The following MAPK8IP3 variants were observed in gnomAD, a reference collection of about 807,000 sequenced individuals.
The protein encoded by MAPK8IP3 is C-Jun-amino-terminal kinase-interacting protein 3.
A neutral mutation model predicts 157.8 loss-of-function variants in MAPK8IP3; 49 were observed. The observed-to-expected ratio is 0.31, with a 90% CI of 0.25 to 0.39. MAPK8IP3 has a LOEUF of 0.39. Ranked by LOEUF, MAPK8IP3 falls within the 10% of genes least tolerant of loss-of-function variation. MAPK8IP3 has a pLI of 1.00. For synonymous variants in MAPK8IP3, 897 were observed against 777.7 expected (o/e 1.15, Z -2.55); for missense variants, 1,478 against 1,889.4 (o/e 0.78, Z 4.04).
At chr16:1,712,189 G>GT in intron 1 of MAPK8IP3, among the ~76,000 whole-genome samples, 1 of 149,820 alleles carries the variant, frequency 6.7e-6, no homozygotes, top group Non-Finnish European at 1.5e-5. Flanking sequence ...AGCCTCCCGA[G>GT]TAGCTGAGAC....
Position 1,732,900 on chromosome 16 carries a change from G to A in MAPK8IP3, c.602+3322G>A, listed in dbSNP as rs537546958. Among the ~76,000 whole-genome samples the A allele has an allele frequency of 9.3e-5, 14 of 151,068 alleles. No homozygotes were observed. The East Asian group carries it at 2.0e-3, about 21-fold the overall frequency. The stretch of plus-strand genomic sequence containing the variant: ...CCTGGAGCACCATGAGAACTACACC[G>A]GGGCGTGTGGATGCCAGCTTGGCAA... On this transcript the variant is annotated intron_variant, in intron 4 of 31. Coordinates refer to ENST00000610761, the MANE Select transcript of MAPK8IP3 (RefSeq NM_001318852.2).
intron 19 of MAPK8IP3, 22 bp downstream of exon 19, chr16:1,764,481 G>C (rs767437418): frequency 8.1e-6 from 13 of 1,604,542 alleles, no homozygotes; most frequent in Non-Finnish European, 1.1e-5. Flanking sequence ...CGAGGCCACC[G>C]GGCACCCTCC....
intron 4 of MAPK8IP3, among the ~76,000 whole-genome samples, chr16:1,729,797 G>C (rs910367317): frequency 6.6e-6 from 1 of 152,142 alleles, no homozygotes; most frequent in Non-Finnish European, 1.5e-5. Context: ...TGTCGAGCCC[G>C]TGTGTCCCTT....
At position 1,730,549 on chromosome 16, in the gene MAPK8IP3, C is replaced by T. The variant is rs186129061; in HGVS notation, c.602+971C>T. ...GATCAGGAGATCAAGACCATCCTGG[C>T]TAACATGGTGAAACCCCATCTCTAC... On this transcript the variant is annotated intron_variant, in intron 4 of 31. Coordinates refer to ENST00000610761, the MANE Select transcript of MAPK8IP3 (RefSeq NM_001318852.2). 4.0e-3 allele frequency among the ~76,000 whole-genome samples: 612 copies of T among 152,036 alleles called. 5 individuals carry two copies. Among genetic ancestry groups the T allele is most frequent in the African/African-American group, 0.014 (585 of 41,448 alleles).
chr16:1,712,696 T>C (rs1478505470), intron 1 of MAPK8IP3, among the ~76,000 whole-genome samples: 4 of 152,184 alleles, frequency 2.6e-5, no homozygotes, highest in Non-Finnish European at 5.9e-5. Context: ...CTCATCTGCC[T>C]CTGGTCTTCT....
At chr16:1,762,586 G>A (rs992265260) in intron 14 of MAPK8IP3, 89 bp from the exon 15 acceptor site, 16 of 1,556,382 alleles carry the variant, frequency 1.0e-5, no homozygotes, top group South Asian at 3.6e-5. Context: ...ACTGAAGTGC[G>A]CTGGGTGCTT....
chr16:1,763,596 TG>T, intron 16 of MAPK8IP3, 60 bp from the exon 17 acceptor site: 1 of 1,437,354 alleles, frequency 7.0e-7, no homozygotes, highest in Non-Finnish European at 9.2e-7. Context: ...AGGACAAGCC[TG>T]GGGCACTGTG....
At chr16:1,728,581 C>T (rs556064646) in intron 2 of MAPK8IP3, among the ~76,000 whole-genome samples, 80 of 146,614 alleles carry the variant, frequency 5.5e-4, no homozygotes, top group Middle Eastern at 3.5e-3. Context: ...AGCAGCCCCC[C>T]AGACGGCCTT....
At chr16:1,728,120 C>T (rs1050521689) in intron 2 of MAPK8IP3, among the ~76,000 whole-genome samples, 7 of 152,226 alleles carry the variant, frequency 4.6e-5, no homozygotes, top group African/African-American at 7.2e-5. Flanking sequence ...CACGCATGCA[C>T]CATTGGCGGG....
At chr16:1,761,721 CTG>C (rs2041961980) in intron 13 of MAPK8IP3, among the ~76,000 whole-genome samples, 2 of 152,148 alleles carry the variant, frequency 1.3e-5, no homozygotes, top group South Asian at 2.1e-4. Context: ...GGGGCGGCCA[CTG>C]TTCCCACACA....
rs775266424 is a variant in MAPK8IP3, at chr16:1,763,670, T to C, written c.1912T>C (p.Ser638Pro). Residue 638 changes from serine to proline, a missense_variant, in exon 17 of 32, where the codon TCC (serine) becomes CCC (proline). Around this residue, in one of 11 missense-constraint regions of MAPK8IP3, gnomAD observed 669 missense variants for 759.8 expected, o/e 0.88. Transcript: ENST00000610761. Reference sequence around the variant, plus strand: ...TCTTCCACTCAGCGACTGCACGTCCTCCGCCCGTCGAGAGCAGAAGCGCGA... The same window carrying C: ...TCTTCCACTCAGCGACTGCACGTCCCCCGCCCGTCGAGAGCAGAAGCGCGA... ...EFFPDDDCTS[S>P]ARREQKREQY... The C allele has an allele frequency of 6.3e-7, 1 of 1,577,240 alleles. No homozygotes were observed. Among genetic ancestry groups the C allele is most frequent in the South Asian group, 1.1e-5 (1 of 87,256 alleles).
intron 1 of MAPK8IP3, among the ~76,000 whole-genome samples, chr16:1,711,027 G>A (rs867047903): frequency 1.3e-5 from 2 of 152,250 alleles, no homozygotes; most frequent in Admixed American, 1.3e-4. Context: ...CTGCCGCTCC[G>A]CTGCGGGAGC....
rs2294612 is a variant in MAPK8IP3, at chr16:1,746,775, C to T, written c.748-254C>T. The T allele has an allele frequency of 2.0e-3, 1,093 of 537,524 alleles. 19 individuals are homozygous for T. Among genetic ancestry groups the T allele is most frequent in the East Asian group, 0.011 (358 of 32,090 alleles). 33.3% of individuals were successfully genotyped at this position (537,524 alleles called of 1,614,324 possible). Reference sequence around the variant, plus strand: ...TGGGGAGGGCACCAGTGGAAAGCCCCGTTCCAAGCCATTTCAGGAGGGTGG... The same window carrying T: ...TGGGGAGGGCACCAGTGGAAAGCCCTGTTCCAAGCCATTTCAGGAGGGTGG... On this transcript the variant is annotated intron_variant, in intron 5 of 31. Coordinates refer to ENST00000610761, the MANE Select transcript of MAPK8IP3 (RefSeq NM_001318852.2).
chr16:1,736,893 CGT>C (rs572086687), intron 4 of MAPK8IP3, among the ~76,000 whole-genome samples: 1 of 13,164 alleles, frequency 7.6e-5, no homozygotes, highest in African/African-American at 3.7e-4. Context: ...TGTGACCGTC[CGT>C]GTGTGACCGT....
chr16:1,712,211 G>A (rs1056159832), intron 1 of MAPK8IP3, among the ~76,000 whole-genome samples: 6 of 151,478 alleles, frequency 4.0e-5, no homozygotes, highest in Non-Finnish European at 5.9e-5. Context: ...ACAGGTGCCC[G>A]CCAACACGCC....
intron 4 of MAPK8IP3, among the ~76,000 whole-genome samples, chr16:1,738,360 G>A (rs1304014883): frequency 3.4e-5 from 3 of 88,682 alleles, no homozygotes; most frequent in Admixed American, 1.4e-4. Flanking sequence ...GTGACCATCC[G>A]TGTGAGTGTG....
intron 28 of MAPK8IP3, 62 bp from the exon 29 acceptor site, chr16:1,768,007 G>A (rs2141957997): frequency 1.2e-6 from 2 of 1,609,992 alleles, no homozygotes. Context: ...ACCTTGGAGG[G>A]TGCCTTGCTG....
Position 1,769,878 on chromosome 16 carries a change from TGAG to T in MAPK8IP3, c.*1057_*1059del, listed in dbSNP as rs911546268. ...GCCACCAAGCAGAGGCCCGTGGGGC[TGAG>T]GATGGAGCCGCCCCCAGCCGACTCC... On this transcript the variant is annotated 3_prime_UTR_variant, in exon 32 of 32. Coordinates refer to ENST00000610761, the MANE Select transcript of MAPK8IP3 (RefSeq NM_001318852.2). 2 of 152,258 alleles carry T rather than the reference TGAG, an allele frequency of 1.3e-5. No individual in the cohort carries two copies. The highest frequency in any genetic ancestry group is 2.9e-5 in the Non-Finnish European group (2 of 68,110). The allele number at this position is 152,258 out of a possible 1,614,324, so 9.4% of individuals were successfully genotyped here. A position where few individuals can be genotyped will look rare whatever the true frequency, so the allele number is the denominator to read the frequency against.
Position 1,751,451 on chromosome 16 carries a change from A to T in MAPK8IP3, c.1216+2731A>T, listed in dbSNP as rs1246399016. The T allele has an allele frequency of 6.6e-6, 1 of 150,654 alleles. No homozygotes were observed. The highest frequency in any genetic ancestry group is 1.5e-5 in the Non-Finnish European group (1 of 67,432). 9.3% of individuals were successfully genotyped at this position (150,654 alleles called of 1,614,324 possible). A position where few individuals can be genotyped will look rare whatever the true frequency, so the allele number is the denominator to read the frequency against. On this transcript the variant is annotated intron_variant, in intron 8 of 31. Coordinates refer to ENST00000610761, the MANE Select transcript of MAPK8IP3 (RefSeq NM_001318852.2). The surrounding 1 kb of genome is among the most constrained non-coding windows in gnomAD (Gnocchi z 5.0). The stretch of plus-strand genomic sequence containing the variant: ...TCCAGCCTGGGTGACAGGGAGAGGG[A>T]CTCTGTCTCAAAAAAAAAACTGAGG...
Sources: allele counts gnomAD v4.1 joint callset (sites outside exome capture counted in the v4.1 genomes callset), GRCh38; gene constraint gnomAD v4.1.1; regional missense constraint gnomAD v4.1.1; non-coding constraint Gnocchi (gnomAD v3.1); transcripts MANE v1.5; gene names NCBI Gene and HGNC (gene_info 2026-07-23, HGNC 2026-07-21).